DMD: variants seen among roughly 807,000 people sequenced by gnomAD.
DMD encodes dystrophin.
Under a neutral mutation model 330.1 loss-of-function variants are expected in DMD, and 63 were observed. The ratio of observed to expected loss-of-function variants is 0.19; its 90% CI spans 0.16 to 0.24. The LOEUF is 0.24. Among genes scored for constraint, DMD ranks in the 10% least tolerant of loss-of-function variants. DMD has a pLI of 1.00. For synonymous variants in DMD, 1,223 were observed against 959.8 expected (o/e 1.27, Z -5.07); for missense variants, 3,344 against 2,684.1 (o/e 1.25, Z -5.43).
At chrX:32,264,435 G>A (rs914548202) in intron 43 of DMD, among the ~76,000 whole-genome samples, 3 of 111,616 alleles carry the variant, frequency 2.7e-5, no homozygotes, top group African/African-American at 9.8e-5. Flanking sequence ...CTGCTATAAA[G>A]AAACCCAAAA....
intron 7 of DMD, among the ~76,000 whole-genome samples, chrX:32,717,961 C>T (rs2065901022): frequency 9.0e-6 from 1 of 111,637 alleles, no homozygotes; most frequent in South Asian, 3.8e-4. Context: ...GAGCTAATGC[C>T]TGTACCCTCA....
intron 1 of DMD, 141 bp downstream of exon 1, chrX:33,211,141 A>G: frequency 4.6e-6 from 3 of 648,050 alleles, no homozygotes; most frequent in Non-Finnish European, 6.9e-6. Flanking sequence ...ATAAATACAT[A>G]TATATATGCA....
At chrX:31,490,433 G>A (rs1236652304) in intron 57 of DMD, among the ~76,000 whole-genome samples, 1 of 111,580 alleles carries the variant, frequency 9.0e-6, no homozygotes, top group East Asian at 2.8e-4. Flanking sequence ...GTGGTGGTGG[G>A]TGCCTGTAGT....
chrX:31,512,014 A>G (rs2147241628), intron 55 of DMD, among the ~76,000 whole-genome samples: 1 of 110,030 alleles, frequency 9.1e-6, no homozygotes, highest in East Asian at 2.9e-4. Flanking sequence ...TGACTTTTAA[A>G]TGATTGCCAT....
intron 1 of DMD, among the ~76,000 whole-genome samples, chrX:33,115,445 G>C (rs896489617): frequency 9.1e-6 from 1 of 110,350 alleles, no homozygotes; most frequent in African/African-American, 3.3e-5. Context: ...GTAGGGGGAG[G>C]TTCCTTTTCA....
intron 1 of DMD, among the ~76,000 whole-genome samples, chrX:33,338,952 T>TC (rs2054295441): frequency 9.0e-6 from 1 of 111,284 alleles, no homozygotes; most frequent in African/African-American, 3.3e-5. Context: ...AAGATTTTTT[T>TC]CCCCCTGTCA....
chrX:32,331,456 A>G (rs777650569), intron 41 of DMD, among the ~76,000 whole-genome samples: 1 of 111,643 alleles, frequency 9.0e-6, no homozygotes, highest in South Asian at 3.7e-4. Context: ...TCATCACTTC[A>G]TTTTGTATTT....
chrX:32,928,954 C>T (rs1016413179), intron 2 of DMD, among the ~76,000 whole-genome samples: 12 of 111,785 alleles, frequency 1.1e-4, no homozygotes, highest in Middle Eastern at 4.7e-3. Context: ...TTACCCATAA[C>T]GTAAAGGAAG....
chrX:32,326,106 C>G (rs1316794639), intron 41 of DMD, among the ~76,000 whole-genome samples: 5 of 111,930 alleles, frequency 4.5e-5, no homozygotes, highest in Non-Finnish European at 9.4e-5. Flanking sequence ...ATTAGACCAT[C>G]TTTATTTCCA....
chrX:32,388,437 T>C (rs2097975800), intron 32 of DMD, among the ~76,000 whole-genome samples: 1 of 107,012 alleles, frequency 9.3e-6, no homozygotes, highest in African/African-American at 3.4e-5. Flanking sequence ...CTATCATTTC[T>C]ATTCCAAGTT....
intron 1 of DMD, among the ~76,000 whole-genome samples, chrX:33,156,254 T>C (rs190860759): frequency 8.9e-6 from 1 of 112,230 alleles, no homozygotes; most frequent in Admixed American, 9.5e-5. Flanking sequence ...ACTCCAAAAC[T>C]TGTCCATCTG....
At chrX:33,067,397 A>G (rs1338492085) in intron 1 of DMD, among the ~76,000 whole-genome samples, 1 of 112,650 alleles carries the variant, frequency 8.9e-6, no homozygotes, top group African/African-American at 3.2e-5. Flanking sequence ...TTCCAGGCAA[A>G]GAAAGAAGAG....
At chrX:31,836,621 C>T (rs986942037) in intron 49 of DMD, 97 bp downstream of exon 49, 1 of 715,262 alleles carries the variant, frequency 1.4e-6, no homozygotes, top group Non-Finnish European at 2.2e-6. Flanking sequence ...CAAGTTATTT[C>T]ACTGATTATA....
chrX:32,561,460 A>T lies in DMD; in HGVS notation c.1992+4242T>A, dbSNP rs528351046. The stretch of plus-strand genomic sequence containing the variant: ...GACAGGCAGAAAAGATTAGAGAAAA[A>T]GAAAAGAATAAAAATGAATGTACAA... On this transcript the variant is annotated intron_variant, in intron 16 of 78. Transcript: ENST00000357033. Among the ~76,000 whole-genome samples the T allele has an allele frequency of 2.7e-5, 3 of 111,896 alleles. No individual in the cohort carries two copies. In the South Asian group the frequency reaches 1.1e-3, roughly 42 times the overall value.
intron 52 of DMD, among the ~76,000 whole-genome samples, chrX:31,693,772 G>T (rs1274686271): frequency 9.0e-6 from 1 of 111,653 alleles, no homozygotes; most frequent in South Asian, 3.7e-4. Context: ...GAAAGAAATT[G>T]AAGATGACAC....
intron 44 of DMD, among the ~76,000 whole-genome samples, chrX:32,119,250 C>A (rs2096624538): frequency 9.3e-6 from 1 of 107,645 alleles, no homozygotes; most frequent in African/African-American, 3.4e-5. Flanking sequence ...ATGAGAATCA[C>A]CTGAACCTGG....
intron 60 of DMD, among the ~76,000 whole-genome samples, chrX:31,424,918 G>C (rs979650844): frequency 1.8e-5 from 2 of 112,074 alleles, no homozygotes; most frequent in African/African-American, 6.5e-5. Context: ...TGGGCATATG[G>C]GGTGTAGCTG....
chrX:31,739,788 AAAAT>A (rs1179345617), intron 51 of DMD, among the ~76,000 whole-genome samples: 25 of 108,536 alleles, frequency 2.3e-4, no homozygotes, highest in Admixed American at 1.1e-3. Flanking sequence ...AAAAAACTAA[AAAAT>A]AAATAAATAA....
At chrX:31,373,720 G>A (rs1345905675) in intron 60 of DMD, among the ~76,000 whole-genome samples, 1 of 111,466 alleles carries the variant, frequency 9.0e-6, no homozygotes, top group African/African-American at 3.3e-5. Flanking sequence ...AAAAACTCTA[G>A]AAGAAAACCT....
Sources: gnomAD v4.1 joint callset for allele counts (sites outside exome capture counted in the v4.1 genomes callset) on GRCh38, gnomAD v4.1.1 for gene constraint, MANE v1.5 for transcripts, NCBI Gene and HGNC (gene_info 2026-07-23, HGNC 2026-07-21) for gene names.